ABCC1: variants seen among roughly 807,000 people sequenced by gnomAD.
ABCC1 encodes the protein multidrug resistance-associated protein 1.
In ABCC1, 83 loss-of-function variants were observed where a neutral mutation model predicts 172.9. That is an observed-to-expected ratio of 0.48 (90% CI 0.40 to 0.58). The LOEUF (loss-of-function observed/expected upper bound fraction) is 0.58, where lower values mean the gene tolerates loss of function less well. Among genes scored for constraint, ABCC1 ranks in the 20% least tolerant of loss-of-function variants. The probability of loss-of-function intolerance (pLI) is 0.00; values close to 1 mark genes in which losing one functional copy is unlikely to be tolerated. For missense variants in ABCC1, 1,817 were observed against 2,002.7 expected (o/e 0.91, Z 1.77); for synonymous variants, 937 against 825.2 (o/e 1.14, Z -2.32).
At chr16:16,046,826 C>T (rs1005316336) in intron 9 of ABCC1, among the ~76,000 whole-genome samples, 1 of 150,236 alleles carries the variant, frequency 6.7e-6, no homozygotes, top group Middle Eastern at 3.2e-3. Context: ...TAGGAAGAGA[C>T]AGTCTTGCAG....
At chr16:15,996,562 C>T (rs888006164) in intron 1 of ABCC1, among the ~76,000 whole-genome samples, 1 of 152,130 alleles carries the variant, frequency 6.6e-6, no homozygotes, top group Non-Finnish European at 1.5e-5. Flanking sequence ...TGTTGTCTGC[C>T]CCATCCTCTC....
At position 15,967,779 on chromosome 16, in the gene ABCC1, A is replaced by C. The variant is rs548845449; in HGVS notation, c.48+17980A>C. Among the ~76,000 whole-genome samples the C allele has an allele frequency of 6.4e-3, 968 of 151,356 alleles. 5 individuals are homozygous for C. The highest frequency in any genetic ancestry group is 0.014 in the African/African-American group (597 of 41,330). On this transcript the variant is annotated intron_variant, in intron 1 of 30. Coordinates refer to ENST00000399410, the MANE Select transcript of ABCC1 (RefSeq NM_004996.4). Reference sequence around the variant, plus strand: ...TCTCCAAAAAAAAAAAAAACAACAAAAAAAAAACTTGTTTAACTACCTAAA... The same window carrying C: ...TCTCCAAAAAAAAAAAAAACAACAACAAAAAAACTTGTTTAACTACCTAAA...
rs550397775 is a variant in ABCC1 at position 16,070,063 on chromosome 16, G to A, written c.1825-1579G>A. Among the ~76,000 whole-genome samples, 10 of 151,786 alleles carry A rather than the reference G, an allele frequency of 6.6e-5. No homozygotes were observed. In the South Asian group the frequency reaches 1.9e-3, roughly 28 times the overall value. ...AAGGAAATAATACAACATGAACCCC[G>A]TGTACACATCACTCAGATTCAACAT... is the stretch of plus-strand genomic sequence containing the variant. On this transcript the variant is annotated intron_variant, in intron 13 of 30. Coordinates refer to ENST00000399410, the MANE Select transcript of ABCC1 (RefSeq NM_004996.4).
chr16:16,050,606 C>G (rs2040588394), intron 10 of ABCC1, among the ~76,000 whole-genome samples: 1 of 150,950 alleles, frequency 6.6e-6, no homozygotes, highest in Non-Finnish European at 1.5e-5. Flanking sequence ...GTCTAATAGG[C>G]TGGGTACAGA....
At chr16:16,072,106 A>G (rs537826543) in intron 14 of ABCC1, among the ~76,000 whole-genome samples, 1 of 151,990 alleles carries the variant, frequency 6.6e-6, no homozygotes, top group Non-Finnish European at 1.5e-5. Flanking sequence ...CAAGCTGTGT[A>G]GACTTAGGTC....
At chr16:16,032,591 A>G (rs2048595971) in intron 5 of ABCC1, among the ~76,000 whole-genome samples, 1 of 152,242 alleles carries the variant, frequency 6.6e-6, no homozygotes, top group Non-Finnish European at 1.5e-5. Context: ...ATGAGGATAT[A>G]AAATAATGCA....
chr16:16,071,654 C>G lies in ABCC1; in HGVS notation c.1837C>G (p.Leu613Val). The G allele has an allele frequency of 3.7e-6, 6 of 1,613,978 alleles. No individual in the cohort carries two copies. Among genetic ancestry groups the G allele is most frequent in the Non-Finnish European group, 5.1e-6 (6 of 1,179,926 alleles). Reference sequence around the variant, plus strand: ...GCTCTCTGTACAGGCGAGTGTCTCCCTCAAACGCCTGAGGATCTTTCTCTC... The same window carrying G: ...GCTCTCTGTACAGGCGAGTGTCTCCGTCAAACGCCTGAGGATCTTTCTCTC... The part of the protein sequence containing the change: ...ISSIVQASVS[L>V]KRLRIFLSHE... The change falls in exon 14 of 31, where the codon CTC becomes GTC. Residue 613 changes from leucine (L) to valine (V), a missense_variant. Transcript: ENST00000399410.
At chr16:16,085,758 C>A (rs539249288) in intron 17 of ABCC1, among the ~76,000 whole-genome samples, 1 of 152,136 alleles carries the variant, frequency 6.6e-6, no homozygotes. Flanking sequence ...CCAGCCTGGG[C>A]GACAGAGTGA....
chr16:15,952,981 G>T (rs1015950218), intron 1 of ABCC1, among the ~76,000 whole-genome samples: 1 of 151,652 alleles, frequency 6.6e-6, no homozygotes, highest in Non-Finnish European at 1.5e-5. Flanking sequence ...GGTGGAGGTT[G>T]CAATGAGCTG....
chr16:16,090,613 C>G, intron 19 of ABCC1, 25 bp downstream of exon 19: 1 of 1,541,704 alleles, frequency 6.5e-7, no homozygotes, highest in East Asian at 2.3e-5. Context: ...AGGGTTCCAC[C>G]CACTCAGGGT....
intron 12 of ABCC1, among the ~76,000 whole-genome samples, chr16:16,057,195 AAAAG>A (rs368280815): frequency 0.2 from 29,032 of 145,006 alleles, 3,092 homozygotes; most frequent in East Asian, 0.4. Flanking sequence ...AAAAAAAAAA[AAAAG>A]AAAGAAAAAA....
intron 1 of ABCC1, among the ~76,000 whole-genome samples, chr16:15,965,376 C>A (rs772260895): frequency 6.6e-6 from 1 of 152,020 alleles, no homozygotes; most frequent in Non-Finnish European, 1.5e-5. Flanking sequence ...ACTGCAAGCT[C>A]CGCCTCCCAG....
intron 7 of ABCC1, among the ~76,000 whole-genome samples, chr16:16,042,723 C>T (rs1213133315): frequency 6.6e-6 from 1 of 151,450 alleles, no homozygotes; most frequent in East Asian, 1.9e-4. Context: ...AAAAAAATCC[C>T]TATAAGATAA....
chr16:16,094,888 G>C (rs2051407990), intron 19 of ABCC1, among the ~76,000 whole-genome samples: 1 of 148,584 alleles, frequency 6.7e-6, no homozygotes. Flanking sequence ...CACGATCTTG[G>C]CTCACTGCAG....
intron 26 of ABCC1, among the ~76,000 whole-genome samples, chr16:16,129,477 C>T (rs900561600): frequency 1.3e-5 from 2 of 151,456 alleles, no homozygotes; most frequent in Admixed American, 6.6e-5. Context: ...GGTGAGACAT[C>T]GTCTCTACAA....
intron 1 of ABCC1, among the ~76,000 whole-genome samples, chr16:16,004,749 G>A (rs2047459998): frequency 6.6e-6 from 1 of 151,176 alleles, no homozygotes; most frequent in Admixed American, 6.6e-5. Context: ...TTGCCTCCCG[G>A]GTTCAGGTGA....
intron 21 of ABCC1, among the ~76,000 whole-genome samples, chr16:16,111,018 G>A (rs746720131): frequency 1.3e-5 from 2 of 151,976 alleles, no homozygotes; most frequent in African/African-American, 2.4e-5. Context: ...ATTCTGCCTC[G>A]GCCTTCCAAT....
intron 16 of ABCC1, among the ~76,000 whole-genome samples, chr16:16,080,484 A>G (rs1045502161): frequency 6.6e-6 from 1 of 152,154 alleles, no homozygotes; most frequent in Admixed American, 6.6e-5. Context: ...CCCACTGGAA[A>G]TCAACAGCCT....
At chr16:16,027,044 G>A (rs1239271084) in intron 5 of ABCC1, among the ~76,000 whole-genome samples, 1 of 152,182 alleles carries the variant, frequency 6.6e-6, no homozygotes, top group Non-Finnish European at 1.5e-5. Flanking sequence ...TAGGATTTGA[G>A]GGTCTTGTTA....
Sources: allele counts gnomAD v4.1 joint callset (sites outside exome capture counted in the v4.1 genomes callset), GRCh38; gene constraint gnomAD v4.1.1; transcripts MANE v1.5; gene names NCBI Gene and HGNC (gene_info 2026-07-23, HGNC 2026-07-21).